The following ITPKA variants were observed in gnomAD, a reference collection of about 807,000 sequenced individuals.
ITPKA encodes inositol-trisphosphate 3-kinase A.
In ITPKA, 16 loss-of-function variants were observed where a neutral mutation model predicts 40.7. That is an observed-to-expected ratio of 0.39 (90% CI 0.27 to 0.60). The LOEUF is 0.60. Ranked by LOEUF, ITPKA falls within the 20% of genes least tolerant of loss-of-function variation. The pLI, the probability that ITPKA is intolerant of heterozygous loss-of-function variation, is 0.50. For missense variants in ITPKA, 540 were observed against 649.3 expected, an observed-to-expected ratio of 0.83 and a Z score of 1.83; for synonymous variants, 313 against 289.9, an observed-to-expected ratio of 1.08 and a Z score of -0.81.
intron 1 of ITPKA, among the ~76,000 whole-genome samples, chr15:41,496,260 C>T (rs1299702370): frequency 6.6e-6 from 1 of 152,218 alleles, no homozygotes; most frequent in Non-Finnish European, 1.5e-5. Flanking sequence ...AAGGCTGGTC[C>T]GGCTGACCGT....
intron 5 of ITPKA, 44 bp from the exon 6 acceptor site, chr15:41,502,744 G>T: frequency 6.6e-7 from 1 of 1,525,396 alleles, no homozygotes; most frequent in African/African-American, 1.4e-5. Flanking sequence ...GGCTCATTTG[G>T]CGTTTAGTTA....
intron 1 of ITPKA, among the ~76,000 whole-genome samples, chr15:41,497,720 G>GT (rs1178071961): frequency 6.6e-6 from 1 of 152,044 alleles, no homozygotes; most frequent in Non-Finnish European, 1.5e-5. Context: ...GAGATAATAG[G>GT]TATGAAAATC....
chr15:41,499,455 A>G (rs1012874616), intron 1 of ITPKA, among the ~76,000 whole-genome samples: 6 of 152,230 alleles, frequency 3.9e-5, no homozygotes, highest in African/African-American at 1.4e-4. Flanking sequence ...AGGCCCACAC[A>G]GATGGCAGTA....
At chr15:41,502,290 G>A (rs1449399647) in intron 4 of ITPKA, 89 bp downstream of exon 4, 11 of 970,922 alleles carry the variant, frequency 1.1e-5, no homozygotes, top group African/African-American at 1.0e-4. Flanking sequence ...CTGCCCCTCC[G>A]CCCTCTCCCA....
chr15:41,498,596 G>C lies in ITPKA; in HGVS notation c.490-2867G>C, dbSNP rs190579861. On this transcript the variant is annotated intron_variant, in intron 1 of 6. Coordinates refer to ENST00000260386, the MANE Select transcript of ITPKA (RefSeq NM_002220.3). ...CCTCACCCTGCCTAACCCAAGGCAA[G>C]TTTCCTCTTCACTAAGTCCATTCTG... is the stretch of plus-strand genomic sequence containing the variant. Among the ~76,000 whole-genome samples, 444 of 152,314 alleles carry C rather than the reference G, an allele frequency of 2.9e-3. 5 individuals carry two copies. Among genetic ancestry groups the C allele is most frequent in the South Asian group, 0.017 (82 of 4,828 alleles).
At chr15:41,500,162 T>C (rs2051100073) in intron 1 of ITPKA, among the ~76,000 whole-genome samples, 1 of 152,216 alleles carries the variant, frequency 6.6e-6, no homozygotes, top group South Asian at 2.1e-4. Context: ...GGTTTCACCA[T>C]GTTGGCTAGG....
At position 41,501,455 on chromosome 15, in the gene ITPKA, G is replaced by T; in HGVS notation, c.490-8G>T. On this transcript the variant is annotated splice_polypyrimidine_tract_variant and splice_region_variant and intron_variant, in intron 1 of 6. Transcript: ENST00000260386. The stretch of plus-strand genomic sequence containing the variant: ...CCGATTATCAGACCTTGACCCTGTC[G>T]CTTTCAGAAAAACCACTGGCAGAAG... 6.2e-7 allele frequency: 1 copy of T among 1,605,200 alleles called. No individual in the cohort carries two copies. The highest frequency in any genetic ancestry group is 8.5e-7 in the Non-Finnish European group (1 of 1,176,068).
chr15:41,496,652 T>C (rs2051074635), intron 1 of ITPKA, among the ~76,000 whole-genome samples: 1 of 152,194 alleles, frequency 6.6e-6, no homozygotes, highest in African/African-American at 2.4e-5. Flanking sequence ...CTTCTTTCTG[T>C]GCTCCAGGAT....
chr15:41,498,385 T>C (rs1308589231), intron 1 of ITPKA, among the ~76,000 whole-genome samples: 1 of 152,046 alleles, frequency 6.6e-6, no homozygotes, highest in Non-Finnish European at 1.5e-5. Flanking sequence ...TTGATTCTTA[T>C]GAGATGCAGA....
intron 5 of ITPKA, 55 bp from the exon 6 acceptor site, chr15:41,502,733 G>T (rs752380123): frequency 6.8e-6 from 10 of 1,476,266 alleles, no homozygotes; most frequent in Non-Finnish European, 9.2e-6. Flanking sequence ...TCGTTAGCAG[G>T]GGCTCATTTG....
chr15:41,498,745 A>T (rs2051090725), intron 1 of ITPKA, among the ~76,000 whole-genome samples: 1 of 152,210 alleles, frequency 6.6e-6, no homozygotes, highest in Non-Finnish European at 1.5e-5. Flanking sequence ...TGTTCCCCAG[A>T]AGTCAAAACT....
rs1216367994 is a variant in ITPKA, at chr15:41,495,859, G to A, written c.489+1443G>A. ...CGCGTCCCGCTTCCCTCTTCCGCCC[G>A]CAGGGACTCGGCGAAGTGCCTGGGA... On this transcript the variant is annotated intron_variant, in intron 1 of 6. Transcript: ENST00000260386. Among the ~76,000 whole-genome samples the A allele has an allele frequency of 2.0e-5, 3 of 152,242 alleles. No homozygotes were observed. The East Asian group carries it at 5.8e-4, about 29-fold the overall frequency.
At chr15:41,495,714 G>C (rs1325981383) in intron 1 of ITPKA, among the ~76,000 whole-genome samples, 1 of 152,204 alleles carries the variant, frequency 6.6e-6, no homozygotes, top group East Asian at 1.9e-4. Context: ...AGGATGTGGA[G>C]TGTGGGGCAG....
At chr15:41,499,409 G>A (rs1313371335) in intron 1 of ITPKA, among the ~76,000 whole-genome samples, 3 of 152,198 alleles carry the variant, frequency 2.0e-5, no homozygotes, top group East Asian at 1.9e-4. Flanking sequence ...TTGATGGTTC[G>A]TGTTACGGCA....
chr15:41,501,147 C>T (rs1248271739), intron 1 of ITPKA, among the ~76,000 whole-genome samples: 1 of 152,060 alleles, frequency 6.6e-6, no homozygotes, highest in Non-Finnish European at 1.5e-5. Flanking sequence ...TCAAAAACCT[C>T]GACAGAGCAT....
At position 41,494,372 on chromosome 15, in the gene ITPKA, A is replaced by G. The variant is rs781639159; in HGVS notation, c.445A>G (p.Ser149Gly). The change falls in exon 1 of 7, where the codon AGC becomes GGC. Residue 149 changes from serine to glycine, a missense_variant. Physicochemically the swap from Ser to Gly is moderately conservative, Grantham distance 56. Coordinates refer to ENST00000260386, the MANE Select transcript of ITPKA (RefSeq NM_002220.3). The surrounding 1 kb of genome is among the most constrained non-coding windows in gnomAD (Gnocchi z 7.8). ...DDLLSDSESRSRGNVQLEAGE... is the reference protein window; with the variant it reads ...DDLLSDSESRGRGNVQLEAGE... ...CCTGCTGAGCGACAGTGAGAGCCGGAGCCGCGGCAACGTGCAGCTGGAAGC... is the reference window on the plus strand; with the variant it reads ...CCTGCTGAGCGACAGTGAGAGCCGGGGCCGCGGCAACGTGCAGCTGGAAGC... 2.5e-4 allele frequency: 377 copies of G among 1,499,812 alleles called. No individual in the cohort carries two copies. The highest frequency in any genetic ancestry group is 3.2e-4 in the Non-Finnish European group (361 of 1,128,618). 92.9% of individuals were successfully genotyped at this position (1,499,812 alleles called of 1,614,324 possible).
Position 41,501,654 on chromosome 15 carries a change from C to T in ITPKA, c.606C>T (p.Gly202=). The T allele has an allele frequency of 6.2e-7, 1 of 1,607,790 alleles. No homozygotes were observed. Among genetic ancestry groups the T allele is most frequent in the Non-Finnish European group, 8.5e-7 (1 of 1,177,740 alleles). Residue 202 remains glycine, a synonymous_variant, in exon 3 of 7, where the codon GGC becomes GGT. Transcript: ENST00000260386. ...AGHTGSFKAA[G]TSGLILKRCS... Reference sequence around the variant, plus strand: ...CCTCAGGGAGTTTTAAGGCGGCGGGCACCAGCGGGCTGATCCTGAAGCGCT... The same window carrying T: ...CCTCAGGGAGTTTTAAGGCGGCGGGTACCAGCGGGCTGATCCTGAAGCGCT...
chr15:41,497,446 T>G (rs561426926), intron 1 of ITPKA, among the ~76,000 whole-genome samples: 1 of 152,180 alleles, frequency 6.6e-6, no homozygotes, highest in African/African-American at 2.4e-5. Context: ...CAGGCTGCTC[T>G]CGAACTCCTG....
At chr15:41,496,243 A>G (rs1002103407) in intron 1 of ITPKA, among the ~76,000 whole-genome samples, 1 of 152,216 alleles carries the variant, frequency 6.6e-6, no homozygotes, top group South Asian at 2.1e-4. Flanking sequence ...TTCCCCAGGC[A>G]GGAAGCAAGG....
Sources: gnomAD v4.1 joint callset for allele counts (sites outside exome capture counted in the v4.1 genomes callset) on GRCh38, gnomAD v4.1.1 for gene constraint, Gnocchi (gnomAD v3.1) non-coding constraint, MANE v1.5 for transcripts, NCBI Gene and HGNC (gene_info 2026-07-23, HGNC 2026-07-21) for gene names.